The following CCDC192 variants were observed in gnomAD, a reference collection of about 807,000 sequenced individuals.
CCDC192 encodes the protein coiled-coil domain containing 192.
intron 5 of CCDC192, among the ~76,000 whole-genome samples, chr5:127,836,553 C>G (rs1750043403): frequency 6.6e-6 from 1 of 152,226 alleles, no homozygotes; most frequent in African/African-American, 2.4e-5. Context: ...AAACAGACTT[C>G]TGCCTGGACA....
At chr5:127,723,335 G>T (rs1752131914) in intron 2 of CCDC192, among the ~76,000 whole-genome samples, 1 of 152,058 alleles carries the variant, frequency 6.6e-6, no homozygotes, top group Non-Finnish European at 1.5e-5. Flanking sequence ...AAATTTGTTT[G>T]TCAGTTCTAA....
intron 2 of CCDC192, among the ~76,000 whole-genome samples, chr5:127,741,172 A>G: frequency 6.6e-6 from 1 of 152,042 alleles, no homozygotes; most frequent in East Asian, 1.9e-4. Flanking sequence ...GCAATCCTTC[A>G]GCCTCAGCTT....
chr5:127,837,550 T>C (rs1750078583), intron 5 of CCDC192, among the ~76,000 whole-genome samples: 2 of 18,200 alleles, frequency 1.1e-4, no homozygotes, highest in Non-Finnish European at 1.6e-4. Context: ...AATATGAGAT[T>C]TAGTGGGGAC....
chr5:127,709,199 G>A (rs1466419026), intron 2 of CCDC192, among the ~76,000 whole-genome samples: 1 of 99,274 alleles, frequency 1.0e-5, no homozygotes, highest in Non-Finnish European at 2.0e-5. Flanking sequence ...GGTGGAGAGA[G>A]GGGGAGAGAG....
chr5:127,904,722 G>A (rs1036740148), intron 6 of CCDC192, among the ~76,000 whole-genome samples: 8 of 151,906 alleles, frequency 5.3e-5, no homozygotes, highest in East Asian at 1.9e-4. Flanking sequence ...GGCTGATCTC[G>A]AACTCCTGAC....
At chr5:127,842,941 A>T (rs184800838) in intron 5 of CCDC192, among the ~76,000 whole-genome samples, 1 of 152,152 alleles carries the variant, frequency 6.6e-6, no homozygotes, top group East Asian at 1.9e-4. Flanking sequence ...TATGGCGAAA[A>T]GTGCAAGGAA....
chr5:127,936,159 C>G lies in CCDC192; in HGVS notation c.536-5023C>G, dbSNP rs1365796179. Among the ~76,000 whole-genome samples, 3 of 152,150 alleles carry G rather than the reference C, an allele frequency of 2.0e-5. No homozygotes were observed. The East Asian group carries it at 5.8e-4, about 29-fold the overall frequency. ...TCAAAGAGATGTTACAGAAATAATT[C>G]CTATACTGGTAGCAGATGAGGCTAG... On this transcript the variant is annotated intron_variant, in intron 6 of 6. Coordinates refer to ENST00000514853, the MANE Select transcript of CCDC192 (RefSeq NM_001317938.2).
intron 2 of CCDC192, among the ~76,000 whole-genome samples, chr5:127,738,883 C>G (rs1236937158): frequency 6.6e-6 from 1 of 151,904 alleles, no homozygotes; most frequent in Non-Finnish European, 1.5e-5. Flanking sequence ...AATGTCCTCC[C>G]ATAGCTCAGA....
At chr5:127,808,554 G>A (rs1005801110) in intron 5 of CCDC192, among the ~76,000 whole-genome samples, 11 of 152,124 alleles carry the variant, frequency 7.2e-5, no homozygotes, top group African/African-American at 2.4e-4. Flanking sequence ...TTGACACCCA[G>A]TGATGGTGCT....
intron 5 of CCDC192, among the ~76,000 whole-genome samples, chr5:127,822,808 C>G (rs561615089): frequency 6.6e-6 from 1 of 152,176 alleles, no homozygotes; most frequent in Non-Finnish European, 1.5e-5. Flanking sequence ...AAATGGCCCT[C>G]AAGCGTGAAG....
intron 2 of CCDC192, among the ~76,000 whole-genome samples, chr5:127,725,404 A>T (rs1752264283): frequency 6.6e-6 from 1 of 152,214 alleles, no homozygotes; most frequent in Non-Finnish European, 1.5e-5. Context: ...TTATACATGT[A>T]ATTAAGAAGT....
At chr5:127,919,652 G>C (rs909537118) in intron 6 of CCDC192, among the ~76,000 whole-genome samples, 1 of 152,214 alleles carries the variant, frequency 6.6e-6, no homozygotes, top group Admixed American at 6.5e-5. Flanking sequence ...AGCTTCTACA[G>C]CAAACTGGAT....
intron 2 of CCDC192, among the ~76,000 whole-genome samples, chr5:127,710,148 T>G (rs1751239327): frequency 6.6e-6 from 1 of 152,146 alleles, no homozygotes; most frequent in South Asian, 2.1e-4. Context: ...AAAAAATATT[T>G]CTAAAGAAAT....
chr5:127,870,286 T>G (rs956022071), intron 5 of CCDC192, among the ~76,000 whole-genome samples: 1 of 152,200 alleles, frequency 6.6e-6, no homozygotes, highest in Non-Finnish European at 1.5e-5. Flanking sequence ...TCTCTAAAGA[T>G]ATCTTGGCAA....
At chr5:127,911,085 C>T (rs1753332224) in intron 6 of CCDC192, among the ~76,000 whole-genome samples, 1 of 152,158 alleles carries the variant, frequency 6.6e-6, no homozygotes, top group Non-Finnish European at 1.5e-5. Flanking sequence ...ACCTAAAATG[C>T]CCATCACGGT....
intron 1 of CCDC192, among the ~76,000 whole-genome samples, chr5:127,706,396 A>G (rs1186425797): frequency 6.6e-6 from 1 of 151,954 alleles, no homozygotes; most frequent in Non-Finnish European, 1.5e-5. Flanking sequence ...GCATGGTGGC[A>G]TGTGCCTGTA....
At chr5:127,703,939 G>T (rs868082858) in intron 1 of CCDC192, among the ~76,000 whole-genome samples, 2 of 152,134 alleles carry the variant, frequency 1.3e-5, no homozygotes, top group Non-Finnish European at 2.9e-5. Flanking sequence ...TAAAAACCTA[G>T]ATCAATGTTG....
intron 6 of CCDC192, among the ~76,000 whole-genome samples, chr5:127,915,064 C>A (rs1380047228): frequency 6.6e-6 from 1 of 152,110 alleles, no homozygotes; most frequent in Non-Finnish European, 1.5e-5. Flanking sequence ...ACAGGCATAA[C>A]TCAGAGATAT....
At chr5:127,753,077 G>T (rs185069153) in intron 2 of CCDC192, among the ~76,000 whole-genome samples, 163 of 152,248 alleles carry the variant, frequency 1.1e-3, no homozygotes, top group Non-Finnish European at 1.9e-3. Flanking sequence ...CGTCTTCTGC[G>T]TCGCTCAGGC....
Sources: allele counts gnomAD v4.1 joint callset (sites outside exome capture counted in the v4.1 genomes callset), GRCh38; gene constraint gnomAD v4.1.1; transcripts MANE v1.5; gene names NCBI Gene and HGNC (gene_info 2026-07-23, HGNC 2026-07-21).